The following CTNNA2 variants were observed in gnomAD, a reference collection of about 807,000 sequenced individuals.
CTNNA2 encodes the protein catenin alpha 2.
Under a neutral mutation model 101.0 loss-of-function variants are expected in CTNNA2, and 42 were observed. That is an observed-to-expected ratio of 0.42 (90% CI 0.32 to 0.54). The LOEUF is 0.54. Among genes scored for constraint, CTNNA2 ranks in the 20% least tolerant of loss-of-function variants. The probability of loss-of-function intolerance (pLI) is 0.14; values close to 1 mark genes in which losing one functional copy is unlikely to be tolerated. For synonymous variants in CTNNA2, 450 were observed against 456.4 expected, an observed-to-expected ratio of 0.99 and a Z score of 0.18; for missense variants, 871 against 1,223.1, an observed-to-expected ratio of 0.71 and a Z score of 4.29.
At chr2:79,923,805 C>A (rs908738312) in intron 7 of CTNNA2, among the ~76,000 whole-genome samples, 2 of 152,018 alleles carry the variant, frequency 1.3e-5, no homozygotes, top group Non-Finnish European at 2.9e-5. Context: ...CTATGGGATC[C>A]GCTTTTGTAG....
At chr2:80,131,297 G>GATCT (rs928910307) in intron 7 of CTNNA2, among the ~76,000 whole-genome samples, 63 of 152,226 alleles carry the variant, frequency 4.1e-4, no homozygotes, top group Admixed American at 1.3e-4. Context: ...GGCCTCAAGT[G>GATCT]ATCTGCCCGC....
At chr2:80,534,780 G>A (rs760622056) in intron 9 of CTNNA2, among the ~76,000 whole-genome samples, 1 of 152,130 alleles carries the variant, frequency 6.6e-6, no homozygotes, top group Non-Finnish European at 1.5e-5. Context: ...CAAGGACTAT[G>A]GTCACAGGTA....
At chr2:79,559,907 A>T (rs1674671716) in intron 1 of CTNNA2, among the ~76,000 whole-genome samples, 1 of 151,820 alleles carries the variant, frequency 6.6e-6, no homozygotes, top group Admixed American at 6.6e-5. Context: ...TATCATTTTT[A>T]TAGAAACTCT....
intron 9 of CTNNA2, among the ~76,000 whole-genome samples, chr2:80,531,759 T>A (rs1010358943): frequency 3.3e-5 from 5 of 152,234 alleles, no homozygotes; most frequent in African/African-American, 1.2e-4. Flanking sequence ...TTCTCCTCGA[T>A]CCACTTAACT....
intron 7 of CTNNA2, among the ~76,000 whole-genome samples, chr2:80,140,895 C>T (rs924336323): frequency 4.6e-5 from 7 of 152,100 alleles, no homozygotes; most frequent in African/African-American, 1.7e-4. Flanking sequence ...ATACAAAGGG[C>T]TCCCAAATCC....
chr2:79,879,069 A>C (rs553197856), intron 6 of CTNNA2, among the ~76,000 whole-genome samples: 1 of 152,306 alleles, frequency 6.6e-6, no homozygotes, highest in Non-Finnish European at 1.5e-5. Flanking sequence ...CTATTTATTT[A>C]ATAGGAGATT....
intron 4 of CTNNA2, among the ~76,000 whole-genome samples, chr2:79,472,302 T>G (rs963986317): frequency 1.3e-5 from 2 of 152,246 alleles, no homozygotes; most frequent in Non-Finnish European, 2.9e-5. Context: ...GTGGTGGTAC[T>G]GCACGTGCAG....
chr2:80,349,317 A>G (rs1226938512), intron 7 of CTNNA2, among the ~76,000 whole-genome samples: 1 of 152,166 alleles, frequency 6.6e-6, no homozygotes, highest in Non-Finnish European at 1.5e-5. Context: ...ATGTTTCTCC[A>G]TAGCATCACA....
At chr2:79,795,600 A>AT (rs1468693485) in intron 3 of CTNNA2, among the ~76,000 whole-genome samples, 11 of 152,122 alleles carry the variant, frequency 7.2e-5, no homozygotes, top group Non-Finnish European at 1.2e-4. Context: ...TGACTTTCTA[A>AT]TTGCCAAAAT....
At chr2:79,634,354 ACT>A (rs1679878476) in intron 1 of CTNNA2, among the ~76,000 whole-genome samples, 1 of 151,922 alleles carries the variant, frequency 6.6e-6, no homozygotes, top group Non-Finnish European at 1.5e-5. Flanking sequence ...TTTAGATGCA[ACT>A]CTATTTATTG....
intron 4 of CTNNA2, among the ~76,000 whole-genome samples, chr2:79,459,836 AT>A (rs533684610): frequency 6.6e-6 from 1 of 151,830 alleles, no homozygotes; most frequent in Non-Finnish European, 1.5e-5. Flanking sequence ...TTTGCAAATA[AT>A]TTTTTTTCTG....
intron 1 of CTNNA2, among the ~76,000 whole-genome samples, chr2:79,626,112 A>G (rs1679285977): frequency 6.6e-6 from 1 of 152,190 alleles, no homozygotes; most frequent in Admixed American, 6.5e-5. Flanking sequence ...TGGGAGCTAC[A>G]TCATCTTTTA....
intron 4 of CTNNA2, among the ~76,000 whole-genome samples, chr2:79,405,031 A>G (rs775867504): frequency 1.3e-5 from 2 of 152,130 alleles, no homozygotes; most frequent in African/African-American, 4.8e-5. Flanking sequence ...GCTTCTAACC[A>G]ATAGAATATG....
chr2:80,532,196 G>T (rs1690602231), intron 9 of CTNNA2, among the ~76,000 whole-genome samples: 1 of 152,130 alleles, frequency 6.6e-6, no homozygotes, highest in South Asian at 2.1e-4. Context: ...AACAGTATAT[G>T]GTAGTCCCCC....
intron 7 of CTNNA2, among the ~76,000 whole-genome samples, chr2:80,250,202 A>AGTGTGTGTGTGT (rs1344701609): frequency 1.3e-4 from 18 of 142,270 alleles, no homozygotes; most frequent in African/African-American, 5.2e-4. Flanking sequence ...AGAGAGAGAG[A>AGTGTGTGTGTGT]GAGTGTGTGT....
intron 9 of CTNNA2, among the ~76,000 whole-genome samples, chr2:80,543,045 G>C (rs1054006846): frequency 6.6e-6 from 1 of 152,048 alleles, no homozygotes; most frequent in African/African-American, 2.4e-5. Flanking sequence ...ATTTTTGAGG[G>C]CACCATTTAT....
intron 7 of CTNNA2, among the ~76,000 whole-genome samples, chr2:80,058,744 G>A (rs1697389296): frequency 6.6e-6 from 1 of 151,798 alleles, no homozygotes; most frequent in African/African-American, 2.4e-5. Flanking sequence ...CTTTCATTGC[G>A]CAAATGCAAC....
intron 2 of CTNNA2, among the ~76,000 whole-genome samples, chr2:79,665,065 G>T (rs1250468174): frequency 1.3e-5 from 2 of 151,898 alleles, no homozygotes; most frequent in African/African-American, 2.4e-5. Flanking sequence ...TTCCTTTCTT[G>T]TCACTCCTAC....
intron 9 of CTNNA2, among the ~76,000 whole-genome samples, chr2:80,521,674 T>G (rs1689565692): frequency 6.6e-6 from 1 of 152,062 alleles, no homozygotes; most frequent in Non-Finnish European, 1.5e-5. Flanking sequence ...GGGCAGCCTC[T>G]AGGAGTGGGA....
Sources: allele counts gnomAD v4.1 joint callset (sites outside exome capture counted in the v4.1 genomes callset), GRCh38; gene constraint gnomAD v4.1.1; transcripts MANE v1.5; gene names NCBI Gene and HGNC (gene_info 2026-07-23, HGNC 2026-07-21).